The following TEAD1 variants were observed in gnomAD, a reference collection of about 807,000 sequenced individuals.
TEAD1 encodes TEA domain transcription factor 1.
Under a neutral mutation model 54.9 loss-of-function variants are expected in TEAD1, and 9 were observed. That is an observed-to-expected ratio of 0.16 (90% CI 0.10 to 0.29). The LOEUF (loss-of-function observed/expected upper bound fraction) is 0.29, where lower values mean the gene tolerates loss of function less well. Among genes scored for constraint, TEAD1 ranks in the 10% least tolerant of loss-of-function variants. TEAD1 has a pLI of 1.00. For synonymous variants in TEAD1, 200 were observed against 187.8 expected (o/e 1.07, Z -0.53); for missense variants, 387 against 535.9 (o/e 0.72, Z 2.74).
intron 10 of TEAD1, among the ~76,000 whole-genome samples, chr11:12,904,202 GA>G (rs1207595872): frequency 1.3e-5 from 2 of 150,592 alleles, no homozygotes; most frequent in African/African-American, 2.4e-5. Flanking sequence ...TCATGCAGTT[GA>G]AAAAAAAAGT....
chr11:12,758,287 C>G (rs1384045996), intron 2 of TEAD1, among the ~76,000 whole-genome samples: 1 of 150,210 alleles, frequency 6.7e-6, no homozygotes, highest in East Asian at 1.9e-4. Context: ...GTTGCCCAGG[C>G]TGGAGTGCAG....
At chr11:12,886,244 T>C (rs912290529) in intron 9 of TEAD1, among the ~76,000 whole-genome samples, 1 of 152,164 alleles carries the variant, frequency 6.6e-6, no homozygotes, top group Non-Finnish European at 1.5e-5. Flanking sequence ...AGATAAGTGT[T>C]TCAGGTACGT....
chr11:12,730,416 G>GTTTTTTT (rs59731479), intron 2 of TEAD1, among the ~76,000 whole-genome samples: 1 of 60,236 alleles, frequency 1.7e-5, no homozygotes, highest in Non-Finnish European at 3.0e-5. Context: ...CCAGTTGAGT[G>GTTTTTTT]TTTTTTTTTT....
chr11:12,838,446 GT>G (rs2134029179), intron 3 of TEAD1, among the ~76,000 whole-genome samples: 1 of 152,248 alleles, frequency 6.6e-6, no homozygotes, highest in African/African-American at 2.4e-5. Context: ...ATCTGAATTG[GT>G]TTTCTTTAAT....
intron 5 of TEAD1, among the ~76,000 whole-genome samples, chr11:12,878,538 C>A (rs1947902421): frequency 1.3e-5 from 2 of 152,144 alleles, no homozygotes; most frequent in South Asian, 4.1e-4. Context: ...GCTCAAAGCC[C>A]TGCCTGTGCC....
chr11:12,804,284 A>G (rs568985751), intron 3 of TEAD1, among the ~76,000 whole-genome samples: 2 of 152,328 alleles, frequency 1.3e-5, no homozygotes, highest in Admixed American at 1.3e-4. Context: ...ACTCCCCTTA[A>G]TATGGGCAGA....
intron 2 of TEAD1, among the ~76,000 whole-genome samples, chr11:12,680,156 G>T (rs1458100156): frequency 6.6e-6 from 1 of 152,142 alleles, no homozygotes; most frequent in Admixed American, 6.5e-5. Flanking sequence ...TTTACTCTGT[G>T]ACTTGATGGC....
chr11:12,725,388 A>G (rs1381733144), intron 2 of TEAD1, among the ~76,000 whole-genome samples: 4 of 152,212 alleles, frequency 2.6e-5, no homozygotes, highest in Non-Finnish European at 1.5e-5. Flanking sequence ...TTCAAGAGTC[A>G]TGTGAGAGTT....
chr11:12,799,440 T>C (rs1250459871), intron 3 of TEAD1, among the ~76,000 whole-genome samples: 2 of 152,252 alleles, frequency 1.3e-5, no homozygotes, highest in African/African-American at 4.8e-5. Context: ...TAAATCATTC[T>C]GGTTTCTTTT....
chr11:12,861,071 A>T (rs145735988), intron 3 of TEAD1, among the ~76,000 whole-genome samples: 10 of 152,362 alleles, frequency 6.6e-5, no homozygotes, highest in African/African-American at 2.4e-4. Flanking sequence ...CAGTAGTGCT[A>T]TGAAATGGTG....
intron 9 of TEAD1, among the ~76,000 whole-genome samples, chr11:12,897,543 G>A (rs1449038750): frequency 6.6e-6 from 1 of 152,158 alleles, no homozygotes; most frequent in Non-Finnish European, 1.5e-5. Flanking sequence ...TAGAAACAGA[G>A]TCACCACCTC....
chr11:12,813,490 T>C (rs1187945257), intron 3 of TEAD1, among the ~76,000 whole-genome samples: 2 of 152,222 alleles, frequency 1.3e-5, no homozygotes, highest in Non-Finnish European at 2.9e-5. Flanking sequence ...TTTCCCATAC[T>C]TCATGTGTGT....
chr11:12,897,417 C>T (rs58127156), intron 9 of TEAD1, among the ~76,000 whole-genome samples: 2,356 of 152,306 alleles, frequency 0.015, 70 homozygotes, highest in African/African-American at 0.053. Context: ...TTTCAGCCTT[C>T]TGGATTTGGG....
chr11:12,941,506 A>G lies in TEAD1; in HGVS notation c.*4284A>G, dbSNP rs1320909765. The stretch of plus-strand genomic sequence containing the variant: ...GTTTTTGTGCAACTATAAATTATTT[A>G]AATCATCTGAGATGACAGTCAATTT... On this transcript the variant is annotated 3_prime_UTR_variant, in exon 13 of 13. Transcript: ENST00000527636. 2 of 152,504 alleles carry G rather than the reference A, an allele frequency of 1.3e-5. No individual in the cohort carries two copies. The highest frequency in any genetic ancestry group is 2.9e-5 in the Non-Finnish European group (2 of 68,040). The allele number at this position is 152,504 out of a possible 1,614,324, so 9.4% of individuals were successfully genotyped here.
intron 3 of TEAD1, among the ~76,000 whole-genome samples, chr11:12,791,737 G>A (rs1945806538): frequency 6.6e-6 from 1 of 152,126 alleles, no homozygotes; most frequent in Non-Finnish European, 1.5e-5. Context: ...GTTATAAGCT[G>A]TTCCTATAAG....
At chr11:12,910,081 TG>T (rs958703869) in intron 10 of TEAD1, among the ~76,000 whole-genome samples, 6 of 152,192 alleles carry the variant, frequency 3.9e-5, no homozygotes, top group Non-Finnish European at 7.3e-5. Context: ...GCCAGTGACG[TG>T]GCAGACAGTG....
intron 10 of TEAD1, among the ~76,000 whole-genome samples, chr11:12,903,766 T>A (rs1240266438): frequency 6.6e-6 from 1 of 152,198 alleles, no homozygotes; most frequent in Non-Finnish European, 1.5e-5. Flanking sequence ...GAGCTATGAT[T>A]GTGCCCCTGC....
intron 3 of TEAD1, among the ~76,000 whole-genome samples, chr11:12,807,345 G>A (rs1204108141): frequency 1.3e-5 from 2 of 152,166 alleles, no homozygotes; most frequent in African/African-American, 2.4e-5. Context: ...ACCTTAAAAT[G>A]TCTTTGTGTT....
At chr11:12,746,711 G>A (rs182720074) in intron 2 of TEAD1, among the ~76,000 whole-genome samples, 1 of 152,138 alleles carries the variant, frequency 6.6e-6, no homozygotes, top group South Asian at 2.1e-4. Context: ...GCCCGCATGC[G>A]TGGTTTAGGC....
Sources: gnomAD v4.1 joint callset for allele counts (sites outside exome capture counted in the v4.1 genomes callset) on GRCh38, gnomAD v4.1.1 for gene constraint, MANE v1.5 for transcripts, NCBI Gene and HGNC (gene_info 2026-07-23, HGNC 2026-07-21) for gene names.